CALD1: variants seen among roughly 807,000 people sequenced by gnomAD.
CALD1 encodes the protein caldesmon.
CALD1 carries 33 observed loss-of-function variants against 99.9 expected under a neutral mutation model. That is an observed-to-expected ratio of 0.33 (90% confidence interval 0.25 to 0.44). The LOEUF is 0.44. Ranked by LOEUF, CALD1 falls within the 20% of genes least tolerant of loss-of-function variation. The pLI is 1.00. For synonymous variants in CALD1, 310 were observed against 325.0 expected, an observed-to-expected ratio of 0.95 and a Z score of 0.50; for missense variants, 861 against 962.1, an observed-to-expected ratio of 0.89 and a Z score of 1.39.
At chr7:134,797,556 G>T (rs951874553) in intron 1 of CALD1, among the ~76,000 whole-genome samples, 2 of 152,178 alleles carry the variant, frequency 1.3e-5, no homozygotes, top group African/African-American at 4.8e-5. Context: ...TGTGCTTGCA[G>T]CCAGGCTTGA....
At chr7:134,936,993 A>G (rs1042588700) in intron 6 of CALD1, among the ~76,000 whole-genome samples, 9 of 152,228 alleles carry the variant, frequency 5.9e-5, no homozygotes, top group Non-Finnish European at 1.0e-4. Flanking sequence ...ATTTACAAAA[A>G]AGAAAAATGA....
At chr7:134,824,894 C>T (rs1365550614) in intron 1 of CALD1, among the ~76,000 whole-genome samples, 1 of 152,130 alleles carries the variant, frequency 6.6e-6, no homozygotes, top group Non-Finnish European at 1.5e-5. Context: ...CAGATCTGAG[C>T]TCCAGGGCCT....
Position 134,904,130 on chromosome 7 carries a change from A to T in CALD1, c.72-24624A>T, listed in dbSNP as rs532644359. ...CCCAGCTACTCGGGAGGCTGAGGCA[A>T]GAGAATCACTTTAACCCAGGAGGCA... On this transcript the variant is annotated intron_variant, in intron 3 of 14. Coordinates refer to ENST00000361675, the MANE Select transcript of CALD1 (RefSeq NM_033138.4). Among the ~76,000 whole-genome samples, 7 of 152,112 alleles carry T rather than the reference A, an allele frequency of 4.6e-5. No homozygotes were observed. The South Asian group carries it at 1.5e-3, about 32-fold the overall frequency.
chr7:134,761,039 G>T (rs966676097), intron 1 of CALD1, among the ~76,000 whole-genome samples: 1 of 152,142 alleles, frequency 6.6e-6, no homozygotes, highest in African/African-American at 2.4e-5. Flanking sequence ...GCTTAACAGC[G>T]AACGGTGAAA....
the CALD1 span, among the ~76,000 whole-genome samples, chr7:134,736,241 G>T: frequency 6.6e-6 from 1 of 152,162 alleles, no homozygotes; most frequent in African/African-American, 2.4e-5. Context: ...AAGAGAATAA[G>T]TGTATTATAA....
At chr7:134,847,215 A>T (rs991689239) in intron 2 of CALD1, among the ~76,000 whole-genome samples, 1 of 152,188 alleles carries the variant, frequency 6.6e-6, no homozygotes, top group Non-Finnish European at 1.5e-5. Flanking sequence ...ATGGAGTGGA[A>T]AGAGAAGCTT....
At chr7:134,775,182 T>C (rs1415035974), upstream of CALD1, among the ~76,000 whole-genome samples, 1 of 152,216 alleles carries the variant, frequency 6.6e-6, no homozygotes, top group Non-Finnish European at 1.5e-5. Context: ...ATCCACCCTT[T>C]TCTTCTTTAT....
At chr7:134,900,127 A>G (rs772796844) in intron 3 of CALD1, 1 of 152,200 alleles carries the variant, frequency 6.6e-6, no homozygotes, top group Non-Finnish European at 1.5e-5. Flanking sequence ...TTTGTCCTTT[A>G]AAGAGTGAAA....
intron 3 of CALD1, among the ~76,000 whole-genome samples, chr7:134,907,026 G>A (rs1226502226): frequency 6.6e-6 from 1 of 152,120 alleles, no homozygotes; most frequent in Non-Finnish European, 1.5e-5. Context: ...AGAAATAATA[G>A]TGCCCGTCTC....
At chr7:134,919,367 T>A (rs1023535591) in intron 3 of CALD1, among the ~76,000 whole-genome samples, 1 of 152,318 alleles carries the variant, frequency 6.6e-6, no homozygotes, top group East Asian at 1.9e-4. Context: ...ACTGCTATGG[T>A]ATGTGTAGAC....
chr7:134,941,137 G>A lies in CALD1; in HGVS notation c.1432G>A (p.Val478Ile), dbSNP rs765847271. The A allele has an allele frequency of 1.2e-6, 2 of 1,613,000 alleles. No individual in the cohort carries two copies. The highest frequency in any genetic ancestry group is 1.7e-6 in the Non-Finnish European group (2 of 1,179,368). The change falls in exon 7 of 15, where the codon GTT becomes ATT. Residue 478 changes from valine (V) to isoleucine (I), a missense_variant. This residue lies in a region of CALD1 where 293 missense variants were observed against 262.7 expected (regional missense o/e 1.12). Coordinates refer to ENST00000361675, the MANE Select transcript of CALD1 (RefSeq NM_033138.4). The part of the protein sequence containing the change: ...IKKDKEPKEE[V>I]KSFMDRKKGF... ...AAAGGACAAAGAACCCAAAGAAGAA[G>A]TTAAGAGCTTCATGGATCGAAAGAA...
At position 134,766,141 on chromosome 7, in the gene CALD1, C is replaced by CTTTTTTT. The variant is rs71172475; in HGVS notation, c.-130+21800_-130+21806dup. On this transcript the variant is annotated intron_variant, in intron 1 of 13. Transcript: ENST00000417172. ...GAGCCCCTTAAACCTCTTTTCTTTT[C>CTTTTTTT]TTTTTTTTTTTTTTTTTTTTTTTTT... Among the ~76,000 whole-genome samples, 200 of 70,818 alleles carry CTTTTTTT rather than the reference C, an allele frequency of 2.8e-3. 5 individuals carry two copies. The highest frequency in any genetic ancestry group is 4.9e-3 in the African/African-American group (86 of 17,382). 46.5% of individuals were successfully genotyped at this position (70,818 alleles called of 152,430 possible).
At chr7:134,720,378 T>C in the CALD1 span, among the ~76,000 whole-genome samples, 1 of 152,172 alleles carries the variant, frequency 6.6e-6, no homozygotes, top group Non-Finnish European at 1.5e-5. Context: ...CCTAATAAGA[T>C]CGCTGTTGTA....
At chr7:134,830,098 G>A (rs1426133977) in intron 1 of CALD1, among the ~76,000 whole-genome samples, 3 of 151,932 alleles carry the variant, frequency 2.0e-5, no homozygotes, top group African/African-American at 7.2e-5. Flanking sequence ...GGGCCAGGGA[G>A]TAGTGGTGGA....
chr7:134,857,143 T>C (rs1303803781), intron 2 of CALD1, among the ~76,000 whole-genome samples: 1 of 149,968 alleles, frequency 6.7e-6, no homozygotes, highest in South Asian at 2.1e-4. Flanking sequence ...AAAGATCCTA[T>C]GGTTTTGCGC....
intron 3 of CALD1, among the ~76,000 whole-genome samples, chr7:134,905,920 A>ATCTTTT (rs1803340588): frequency 1.5e-5 from 2 of 132,342 alleles, no homozygotes; most frequent in Admixed American, 1.5e-4. Flanking sequence ...ACCTCTCTAT[A>ATCTTTT]TCTTTTTTTT....
intron 3 of CALD1, among the ~76,000 whole-genome samples, chr7:134,905,371 G>C (rs1803295473): frequency 6.6e-6 from 1 of 152,020 alleles, no homozygotes; most frequent in Admixed American, 6.6e-5. Context: ...TGACTTCCGT[G>C]GTTAGCTAAT....
chr7:134,847,871 A>G (rs1799918414), intron 2 of CALD1, among the ~76,000 whole-genome samples: 2 of 152,222 alleles, frequency 1.3e-5, no homozygotes, highest in South Asian at 2.1e-4. Context: ...GCAAGTGAGT[A>G]CACAAGTAAA....
At chr7:134,740,878 T>C (rs148741655), upstream of CALD1, among the ~76,000 whole-genome samples, 5 of 152,354 alleles carry the variant, frequency 3.3e-5, no homozygotes, top group African/African-American at 7.2e-5. Flanking sequence ...TTAGCATTTA[T>C]TGGATTCTTA....
Sources: allele counts gnomAD v4.1 joint callset (sites outside exome capture counted in the v4.1 genomes callset), GRCh38; gene constraint gnomAD v4.1.1; regional missense constraint gnomAD v4.1.1; transcripts MANE v1.5; gene names NCBI Gene and HGNC (gene_info 2026-07-23, HGNC 2026-07-21).